Variants in RNF180 observed in about 807,000 individuals in gnomAD.
The protein encoded by RNF180 is E3 ubiquitin-protein ligase RNF180.
A neutral mutation model predicts 59.2 loss-of-function variants in RNF180; 38 were observed. That is an observed-to-expected ratio of 0.64 (90% confidence interval 0.50 to 0.84). The LOEUF (loss-of-function observed/expected upper bound fraction) is 0.84. Ranked by LOEUF, RNF180 falls within the 40% of genes least tolerant of loss-of-function variation. The pLI is 0.00. For synonymous variants in RNF180, 262 were observed against 240.3 expected (o/e 1.09, Z -0.84); for missense variants, 705 against 700.9 (o/e 1.01, Z -0.07).
At position 64,213,892 on chromosome 5, in the gene RNF180, C is replaced by T. The variant is rs773523775; in HGVS notation, c.566C>T (p.Thr189Ile). 2.5e-6 allele frequency: 4 copies of T among 1,614,088 alleles called. No homozygotes were observed. Among genetic ancestry groups the T allele is most frequent in the Non-Finnish European group, 3.4e-6 (4 of 1,180,020 alleles). Residue 189 changes from threonine to isoleucine, a missense_variant, in exon 4 of 8, where the codon ACA becomes ATA. Thr to Ile is a moderately conservative substitution (Grantham distance 89). Coordinates refer to ENST00000389100, the MANE Select transcript of RNF180 (RefSeq NM_001113561.2). ...GCACTCTGCCTGGAGGTGCGACCAACATATTTTGAGATGAAGAACGAAAAA... is the reference window on the plus strand; with the variant it reads ...GCACTCTGCCTGGAGGTGCGACCAATATATTTTGAGATGAAGAACGAAAAA... ...TEALCLEVRPTYFEMKNEKLL... is the reference protein window; with the variant it reads ...TEALCLEVRPIYFEMKNEKLL...
chr5:64,199,806 TG>T (rs1481559208), intron 1 of RNF180, among the ~76,000 whole-genome samples: 1 of 152,236 alleles, frequency 6.6e-6, no homozygotes, highest in Non-Finnish European at 1.5e-5. Context: ...GGAATTGTTA[TG>T]TATTAGTGTG....
At chr5:64,309,031 C>A (rs1743617820) in intron 5 of RNF180, among the ~76,000 whole-genome samples, 1 of 151,622 alleles carries the variant, frequency 6.6e-6, no homozygotes, top group African/African-American at 2.4e-5. Flanking sequence ...CTCCTTCCAG[C>A]CTAATCCAGA....
intron 5 of RNF180, among the ~76,000 whole-genome samples, chr5:64,251,120 A>G (rs536498996): frequency 2.0e-5 from 3 of 152,352 alleles, no homozygotes; most frequent in East Asian, 3.9e-4. Flanking sequence ...TTCTTTTGAT[A>G]TAGAAAAAGC....
intron 5 of RNF180, among the ~76,000 whole-genome samples, chr5:64,267,274 A>G (rs1580145583): frequency 1.3e-5 from 2 of 152,162 alleles, no homozygotes; most frequent in Admixed American, 1.3e-4. Flanking sequence ...TTTTAAATGC[A>G]TAAAATAAAC....
At chr5:64,262,810 C>T (rs1282043907) in intron 5 of RNF180, among the ~76,000 whole-genome samples, 1 of 152,068 alleles carries the variant, frequency 6.6e-6, no homozygotes, top group Non-Finnish European at 1.5e-5. Context: ...TTTTGTGAGC[C>T]ACAGGTACTT....
At chr5:64,204,360 G>GT (rs1390094364) in intron 2 of RNF180, among the ~76,000 whole-genome samples, 8 of 152,122 alleles carry the variant, frequency 5.3e-5, no homozygotes, top group African/African-American at 1.9e-4. Flanking sequence ...GCATCATAGG[G>GT]TATGTGCATG....
chr5:64,209,060 T>G (rs998985572), intron 2 of RNF180, among the ~76,000 whole-genome samples: 8 of 152,002 alleles, frequency 5.3e-5, no homozygotes, highest in Admixed American at 6.6e-5. Flanking sequence ...ATAAGAAAGT[T>G]TATTGCCCTA....
chr5:64,199,852 A>T (rs1482919667), intron 1 of RNF180, among the ~76,000 whole-genome samples: 1 of 152,236 alleles, frequency 6.6e-6, no homozygotes, highest in Non-Finnish European at 1.5e-5. Flanking sequence ...AAGTATTGAC[A>T]TAAAATCTCA....
intron 5 of RNF180, among the ~76,000 whole-genome samples, chr5:64,239,131 C>T (rs1195959996): frequency 1.3e-5 from 2 of 151,988 alleles, no homozygotes; most frequent in Non-Finnish European, 2.9e-5. Flanking sequence ...ATTATTTTGA[C>T]CCATGTATAT....
chr5:64,186,596 T>C (rs1400295666), intron 1 of RNF180, among the ~76,000 whole-genome samples: 2 of 152,202 alleles, frequency 1.3e-5, no homozygotes, highest in Non-Finnish European at 2.9e-5. Context: ...AAAATAATAG[T>C]TTCTCAGCAA....
At chr5:64,186,555 C>T (rs1304579296) in intron 1 of RNF180, among the ~76,000 whole-genome samples, 2 of 152,006 alleles carry the variant, frequency 1.3e-5, no homozygotes, top group African/African-American at 4.8e-5. Flanking sequence ...TTTCATAGCA[C>T]GTGTCTTTGT....
intron 5 of RNF180, among the ~76,000 whole-genome samples, chr5:64,322,765 T>C (rs1744435719): frequency 6.6e-6 from 1 of 152,018 alleles, no homozygotes; most frequent in Non-Finnish European, 1.5e-5. Context: ...TTGTATGTTC[T>C]CACTCATAAG....
chr5:64,168,833 C>A (rs574972839), intron 1 of RNF180, among the ~76,000 whole-genome samples: 1 of 152,018 alleles, frequency 6.6e-6, no homozygotes, highest in African/African-American at 2.4e-5. Flanking sequence ...GAAAAAATTT[C>A]GACAAATTTA....
chr5:64,315,734 CAAAAA>C (rs869200360), intron 5 of RNF180, among the ~76,000 whole-genome samples: 1 of 53,056 alleles, frequency 1.9e-5, no homozygotes. Flanking sequence ...GTAACTGTCT[CAAAAA>C]AAAAAAAAAA....
chr5:64,259,022 G>A (rs1448187217), intron 5 of RNF180, among the ~76,000 whole-genome samples: 1 of 152,144 alleles, frequency 6.6e-6, no homozygotes, highest in Non-Finnish European at 1.5e-5. Context: ...ATAGCCACAT[G>A]TGAGTATATT....
chr5:64,230,032 A>C (rs1580063925), intron 5 of RNF180, among the ~76,000 whole-genome samples: 1 of 152,084 alleles, frequency 6.6e-6, no homozygotes, highest in Admixed American at 6.5e-5. Flanking sequence ...TTGTACATTA[A>C]ATTATTTCTG....
chr5:64,197,249 G>A (rs1217466656), intron 1 of RNF180, among the ~76,000 whole-genome samples: 1 of 152,130 alleles, frequency 6.6e-6, no homozygotes, highest in Non-Finnish European at 1.5e-5. Context: ...TCGTTCCTAA[G>A]TATTTTAAAG....
At chr5:64,254,596 A>C (rs938892037) in intron 5 of RNF180, among the ~76,000 whole-genome samples, 5 of 152,182 alleles carry the variant, frequency 3.3e-5, no homozygotes, top group Admixed American at 1.3e-4. Context: ...AGCAATCATA[A>C]AGCAAGCCAT....
At chr5:64,351,370 C>A (rs930387733) in intron 7 of RNF180, among the ~76,000 whole-genome samples, 3 of 152,134 alleles carry the variant, frequency 2.0e-5, no homozygotes, top group African/African-American at 7.2e-5. Context: ...TTGACTTCCT[C>A]TTTTCCTAAT....
Sources: allele counts gnomAD v4.1 joint callset (sites outside exome capture counted in the v4.1 genomes callset), GRCh38; gene constraint gnomAD v4.1.1; transcripts MANE v1.5; gene names NCBI Gene and HGNC (gene_info 2026-07-23, HGNC 2026-07-21).